SSH2: variants seen among roughly 807,000 people sequenced by gnomAD.
SSH2 encodes the protein protein phosphatase Slingshot homolog 2.
In SSH2, 37 loss-of-function variants were observed where a neutral mutation model predicts 135.2. The observed-to-expected ratio is 0.27, with a 90% CI of 0.21 to 0.36. SSH2 has a LOEUF of 0.36. Among genes scored for constraint, SSH2 ranks in the 10% least tolerant of loss-of-function variants. SSH2 has a pLI of 1.00. For synonymous variants in SSH2, 628 were observed against 646.2 expected (o/e 0.97, Z 0.43); for missense variants, 1,408 against 1,765.3 (o/e 0.80, Z 3.63).
At chr17:29,697,680 C>T (rs993726005) in intron 4 of SSH2, among the ~76,000 whole-genome samples, 3 of 152,068 alleles carry the variant, frequency 2.0e-5, no homozygotes, top group African/African-American at 7.2e-5. Flanking sequence ...AACTCCCCCA[C>T]CCCAAACCAA....
intron 1 of SSH2, among the ~76,000 whole-genome samples, chr17:29,883,334 T>G (rs1021969956): frequency 8.5e-5 from 13 of 152,162 alleles, no homozygotes; most frequent in African/African-American, 2.9e-4. Flanking sequence ...GTCATTTTAT[T>G]GAGTGCCCAC....
intron 12 of SSH2, among the ~76,000 whole-genome samples, chr17:29,654,738 T>C (rs973909696): frequency 1.4e-4 from 21 of 152,370 alleles, no homozygotes; most frequent in African/African-American, 5.0e-4. Context: ...TCAAACTTAA[T>C]AACCATGCTG....
chr17:29,694,400 G>A (rs2151101540), intron 5 of SSH2, among the ~76,000 whole-genome samples: 1 of 152,376 alleles, frequency 6.6e-6, no homozygotes, highest in East Asian at 1.9e-4. Context: ...GCTGGGCACT[G>A]TGGCTCACGC....
chr17:29,753,710 T>C (rs1408503041), intron 3 of SSH2, among the ~76,000 whole-genome samples: 2 of 151,144 alleles, frequency 1.3e-5, no homozygotes, highest in Non-Finnish European at 2.9e-5. Flanking sequence ...GCAGAATTGC[T>C]TGAACCTGGG....
chr17:29,917,028 A>G (rs919296617), intron 1 of SSH2, among the ~76,000 whole-genome samples: 4 of 152,058 alleles, frequency 2.6e-5, no homozygotes, highest in African/African-American at 9.7e-5. Flanking sequence ...GTAAAAAAAA[A>G]AAAAAAGGGT....
chr17:29,782,732 T>G (rs57593263), intron 3 of SSH2, among the ~76,000 whole-genome samples: 1 of 152,126 alleles, frequency 6.6e-6, no homozygotes, highest in Non-Finnish European at 1.5e-5. Context: ...ATTACAGGCA[T>G]GCGCCACCAC....
rs2043023616 is a variant in SSH2, at chr17:29,840,608, T to C, written c.144+8241A>G. Among the ~76,000 whole-genome samples, 5 of 152,340 alleles carry C rather than the reference T, an allele frequency of 3.3e-5. No individual in the cohort carries two copies. In the South Asian group the frequency reaches 1.0e-3, roughly 32 times the overall value. ...TAGGGATGGTGAAGAAAATGGAAGA[T>C]GGTCAGGATGCCCACTTTTTCTTCT... On this transcript the variant is annotated intron_variant, in intron 2 of 15. Coordinates refer to ENST00000540801, the MANE Select transcript of SSH2 (RefSeq NM_001282129.2).
At chr17:29,659,872 C>T (rs1234537669) in intron 11 of SSH2, among the ~76,000 whole-genome samples, 1 of 151,390 alleles carries the variant, frequency 6.6e-6, no homozygotes, top group Non-Finnish European at 1.5e-5. Flanking sequence ...CGCTCTATCG[C>T]CAAGGTGGAG....
intron 2 of SSH2, among the ~76,000 whole-genome samples, chr17:29,835,839 G>T (rs1455178419): frequency 6.6e-6 from 1 of 151,638 alleles, no homozygotes; most frequent in South Asian, 2.1e-4. Flanking sequence ...AATTAGCTAG[G>T]CGTGGTGGTG....
chr17:29,756,116 A>G (rs1271976067), intron 3 of SSH2, among the ~76,000 whole-genome samples: 1 of 151,258 alleles, frequency 6.6e-6, no homozygotes, highest in East Asian at 2.0e-4. Context: ...AAAAAGAAAG[A>G]AAAAAAATTA....
At chr17:29,736,175 T>A (rs1055837926) in intron 3 of SSH2, among the ~76,000 whole-genome samples, 2 of 152,184 alleles carry the variant, frequency 1.3e-5, no homozygotes, top group Non-Finnish European at 2.9e-5. Context: ...AGCCCTACAG[T>A]ACTAGACGTA....
chr17:29,893,089 C>A (rs903945319), intron 1 of SSH2, among the ~76,000 whole-genome samples: 1 of 152,072 alleles, frequency 6.6e-6, no homozygotes, highest in Non-Finnish European at 1.5e-5. Context: ...GTTGATCTTA[C>A]GAAAGTCACT....
At position 29,808,942 on chromosome 17, in the gene SSH2, G is replaced by A. The variant is rs536685890; in HGVS notation, c.145-15005C>T. Among the ~76,000 whole-genome samples, 8 of 152,208 alleles carry A rather than the reference G, an allele frequency of 5.3e-5. No individual in the cohort carries two copies. The East Asian group carries it at 1.5e-3, about 29-fold the overall frequency. On this transcript the variant is annotated intron_variant, in intron 2 of 15. Coordinates refer to ENST00000540801, the MANE Select transcript of SSH2 (RefSeq NM_001282129.2). Reference sequence around the variant, plus strand: ...TACTATAAACTCCTTTTTCTGCTTTGATCTCTTGTCAAAAAAAGATGTATG... The same window carrying A: ...TACTATAAACTCCTTTTTCTGCTTTAATCTCTTGTCAAAAAAAGATGTATG...
intron 2 of SSH2, among the ~76,000 whole-genome samples, chr17:29,826,295 C>T (rs775276831): frequency 6.6e-6 from 1 of 152,010 alleles, no homozygotes; most frequent in African/African-American, 2.4e-5. Flanking sequence ...TAAAAGCTTC[C>T]ACCTAGAAGT....
rs552704940 is a variant in SSH2 at position 29,626,704 on chromosome 17, G to A, written c.*4137C>T. Reference sequence around the variant, plus strand: ...GACGTCAAGGGACCCCACACCCTGGGAGAAGGGTTAGGAGTGTGCAGCTTC... The same window carrying A: ...GACGTCAAGGGACCCCACACCCTGGAAGAAGGGTTAGGAGTGTGCAGCTTC... On this transcript the variant is annotated 3_prime_UTR_variant, in exon 16 of 16. Coordinates refer to ENST00000540801, the MANE Select transcript of SSH2 (RefSeq NM_001282129.2). 6.5e-6 allele frequency: 1 copy of A among 152,676 alleles called. No homozygotes were observed. The highest frequency in any genetic ancestry group is 1.9e-4 in the East Asian group (1 of 5,204). 9.5% of individuals were successfully genotyped at this position (152,676 alleles called of 1,614,324 possible). A position where few individuals can be genotyped will look rare whatever the true frequency, so the allele number is the denominator to read the frequency against.
At chr17:29,638,321 G>T (rs1162909303) in intron 14 of SSH2, among the ~76,000 whole-genome samples, 1 of 150,132 alleles carries the variant, frequency 6.7e-6, no homozygotes, top group African/African-American at 2.5e-5. Flanking sequence ...AACCTGTCAG[G>T]TATTTTAGTG....
At chr17:29,656,237 C>T (rs1270916951) in intron 11 of SSH2, among the ~76,000 whole-genome samples, 4 of 152,274 alleles carry the variant, frequency 2.6e-5, no homozygotes, top group East Asian at 1.9e-4. Context: ...AATGCAATGG[C>T]GTGATCTCGG....
chr17:29,848,040 G>A (rs991604322), intron 2 of SSH2, among the ~76,000 whole-genome samples: 2 of 152,156 alleles, frequency 1.3e-5, no homozygotes, highest in Non-Finnish European at 2.9e-5. Context: ...AAAGATTGCT[G>A]TCTAACACCA....
intron 1 of SSH2, among the ~76,000 whole-genome samples, chr17:29,853,611 T>C (rs939162612): frequency 4.6e-5 from 7 of 152,058 alleles, no homozygotes; most frequent in South Asian, 2.1e-4. Flanking sequence ...TATTCTTGCA[T>C]TGGATGTATC....
Sources: gnomAD v4.1 joint callset for allele counts (sites outside exome capture counted in the v4.1 genomes callset) on GRCh38, gnomAD v4.1.1 for gene constraint, MANE v1.5 for transcripts, NCBI Gene and HGNC (gene_info 2026-07-23, HGNC 2026-07-21) for gene names.